RYR2: variants seen among roughly 807,000 people sequenced by gnomAD.
RYR2 encodes ryanodine receptor 2.
Under a neutral mutation model 601.1 loss-of-function variants are expected in RYR2, and 227 were observed. That is an observed-to-expected ratio of 0.38 (90% CI 0.34 to 0.42). RYR2 has a LOEUF of 0.42. Among genes scored for constraint, RYR2 ranks in the 10% least tolerant of loss-of-function variants. RYR2 has a pLI of 1.00. For missense variants in RYR2, 4,646 were observed against 6,156.5 expected (o/e 0.75, Z 8.21); for synonymous variants, 2,223 against 2,175.1 (o/e 1.02, Z -0.61).
At chr1:237,072,312 C>T (rs2148332156) in intron 1 of RYR2, among the ~76,000 whole-genome samples, 1 of 152,348 alleles carries the variant, frequency 6.6e-6, no homozygotes, top group Admixed American at 6.5e-5. Context: ...TGAACCCGGC[C>T]TGTGCAGCTT....
chr1:237,100,531 C>T (rs1194701370), intron 1 of RYR2, among the ~76,000 whole-genome samples: 3 of 151,946 alleles, frequency 2.0e-5, no homozygotes, highest in Admixed American at 6.6e-5. Flanking sequence ...GGATTACAGG[C>T]GCCCACCACC....
intron 82 of RYR2, among the ~76,000 whole-genome samples, chr1:237,759,462 C>T (rs866128249): frequency 1.6e-4 from 24 of 152,192 alleles, no homozygotes; most frequent in Admixed American, 3.3e-4. Flanking sequence ...TCCCAGTTAA[C>T]TTGCACTAGA....
At chr1:237,512,740 G>A (rs1666034447) in intron 24 of RYR2, among the ~76,000 whole-genome samples, 1 of 152,126 alleles carries the variant, frequency 6.6e-6, no homozygotes, top group Admixed American at 6.6e-5. Context: ...GGGCATAATG[G>A]CGCACACCTG....
chr1:237,607,826 G>A (rs763127690), intron 35 of RYR2, among the ~76,000 whole-genome samples: 2 of 152,186 alleles, frequency 1.3e-5, no homozygotes, highest in African/African-American at 2.4e-5. Context: ...TATTAGGCTG[G>A]CTTGGTGACC....
rs760384075 is a variant in RYR2, at chr1:237,128,388, G to GGGGAGA, written c.48+85842_48+85847dup. Among the ~76,000 whole-genome samples the GGGGAGA allele has an allele frequency of 9.1e-4, 138 of 152,242 alleles. 1 individual carries two copies. Among genetic ancestry groups the GGGGAGA allele is most frequent in the African/African-American group, 2.2e-3 (91 of 41,546 alleles). ...GGAAAGAGAGGGAGAGGCAGACCGT[G>GGGGAGA]GGGAGAGGGAGAGGGAGAGGGAGAG... is the stretch of plus-strand genomic sequence containing the variant. On this transcript the variant is annotated intron_variant, in intron 1 of 104. Transcript: ENST00000366574.
At chr1:237,298,856 C>T (rs1172449351) in intron 2 of RYR2, among the ~76,000 whole-genome samples, 1 of 151,934 alleles carries the variant, frequency 6.6e-6, no homozygotes, top group Admixed American at 6.6e-5. Context: ...GAAAATTAGC[C>T]GAGTATGGTG....
chr1:237,118,861 A>C (rs891689519), intron 1 of RYR2, among the ~76,000 whole-genome samples: 2 of 152,170 alleles, frequency 1.3e-5, no homozygotes, highest in African/African-American at 2.4e-5. Context: ...TTATGGTTCA[A>C]TATTTAAAGA....
At chr1:237,245,361 C>A (rs1686704061) in intron 1 of RYR2, among the ~76,000 whole-genome samples, 1 of 152,120 alleles carries the variant, frequency 6.6e-6, no homozygotes, top group South Asian at 2.1e-4. Context: ...TGGCATGAGA[C>A]CATTTCTATG....
At position 237,631,613 on chromosome 1, in the gene RYR2, A is replaced by ATTTT. The variant is rs556269614; in HGVS notation, c.6555+101_6555+104dup. The ATTTT allele has an allele frequency of 8.6e-3, 1,792 of 208,394 alleles. 242 individuals are homozygous for ATTTT. The highest frequency in any genetic ancestry group is 9.7e-3 in the Non-Finnish European group (1,219 of 125,960). 12.9% of individuals were successfully genotyped at this position (208,394 alleles called of 1,614,324 possible). On this transcript the variant is annotated intron_variant, in intron 42 of 104. Coordinates refer to ENST00000366574, the MANE Select transcript of RYR2 (RefSeq NM_001035.3). Reference sequence around the variant, plus strand: ...GTATATAGATTGATATAGAATGCAGATTTTTTTTTTTTTTTTTTTTTTTTT... The same window carrying ATTTT: ...GTATATAGATTGATATAGAATGCAGATTTTTTTTTTTTTTTTTTTTTTTTTTTTT...
chr1:237,804,251 A>C (rs1660343778), intron 98 of RYR2, among the ~76,000 whole-genome samples: 2 of 147,520 alleles, frequency 1.4e-5, no homozygotes, highest in East Asian at 2.1e-4. Flanking sequence ...TTGGTCTTGC[A>C]AAACAGGAAC....
chr1:237,436,362 C>G (rs1316577750), intron 12 of RYR2, among the ~76,000 whole-genome samples: 1 of 150,888 alleles, frequency 6.6e-6, no homozygotes, highest in Non-Finnish European at 1.5e-5. Context: ...TAGACCCCTT[C>G]AGCATGAGAA....
At chr1:237,584,673 T>TTTTTTTTG (rs1674326095) in intron 29 of RYR2, among the ~76,000 whole-genome samples, 1 of 146,662 alleles carries the variant, frequency 6.8e-6, no homozygotes. Flanking sequence ...TTTTTTTTTT[T>TTTTTTTTG]GAGACAGGGT....
At chr1:237,113,178 AT>A (rs1187265976) in intron 1 of RYR2, among the ~76,000 whole-genome samples, 1 of 151,188 alleles carries the variant, frequency 6.6e-6, no homozygotes, top group Non-Finnish European at 1.5e-5. Flanking sequence ...CCTCTCTTTT[AT>A]TTATTTTATT....
At position 237,417,035 on chromosome 1, in the gene RYR2, G is replaced by T. The variant is rs370114411; in HGVS notation, c.774-14G>T. 5.2e-5 allele frequency: 84 copies of T among 1,612,906 alleles called. No individual in the cohort carries two copies. In the African/African-American group the frequency reaches 1.1e-3, roughly 21 times the overall value. ...TTAACTCACATTTGGGCTTTTGTTT[G>T]TTTGTTGAAACAGAACTGTTCATTA... On this transcript the variant is annotated splice_polypyrimidine_tract_variant and intron_variant, in intron 10 of 104. Transcript: ENST00000366574.
chr1:237,098,986 A>C (rs1364937111), intron 1 of RYR2, among the ~76,000 whole-genome samples: 1 of 152,182 alleles, frequency 6.6e-6, no homozygotes, highest in Non-Finnish European at 1.5e-5. Context: ...CACAAGTACA[A>C]TGAGGAGGGC....
chr1:237,149,434 G>A (rs984355816), intron 1 of RYR2, among the ~76,000 whole-genome samples: 1 of 152,174 alleles, frequency 6.6e-6, no homozygotes, highest in African/African-American at 2.4e-5. Context: ...GTTTACAAGG[G>A]TGTGTTGATG....
In RYR2 at chr1:237,654,417, A is replaced by G. The variant is rs1465798100; in HGVS notation, c.7965+3A>G. On this transcript the variant is annotated splice_donor_region_variant and intron_variant, in intron 52 of 104. Coordinates refer to ENST00000366574, the MANE Select transcript of RYR2 (RefSeq NM_001035.3). ...TTTTTGATGCCCTGTCTCAAAAGGT[A>G]ATTTAATGGTTTGTGGGTTTGTTTG... 2 of 1,613,572 alleles carry G rather than the reference A, an allele frequency of 1.2e-6. No homozygotes were observed. Among genetic ancestry groups the G allele is most frequent in the East Asian group, 2.2e-5 (1 of 44,852 alleles).
At chr1:237,329,636 C>T (rs1390874233) in intron 2 of RYR2, among the ~76,000 whole-genome samples, 7 of 149,340 alleles carry the variant, frequency 4.7e-5, no homozygotes, top group Admixed American at 3.3e-4. Flanking sequence ...AGTGAGACTC[C>T]GTCTCAAAAA....
chr1:237,734,666 A>C (rs1690981942), intron 79 of RYR2, among the ~76,000 whole-genome samples: 1 of 152,210 alleles, frequency 6.6e-6, no homozygotes, highest in Non-Finnish European at 1.5e-5. Context: ...TTGAGGATAA[A>C]AGTGGAGTGA....
Sources: gnomAD v4.1 joint callset for allele counts (sites outside exome capture counted in the v4.1 genomes callset) on GRCh38, gnomAD v4.1.1 for gene constraint, MANE v1.5 for transcripts, NCBI Gene and HGNC (gene_info 2026-07-23, HGNC 2026-07-21) for gene names.